The following NFILZ variants were observed in gnomAD, a reference collection of about 807,000 sequenced individuals.
NFILZ encodes NFIL3 like protein.
At chr19:8,635,984 G>A (rs1555746057) in intron 3 of NFILZ, among the ~76,000 whole-genome samples, 2 of 151,910 alleles carry the variant, frequency 1.3e-5, no homozygotes, top group African/African-American at 2.4e-5. Flanking sequence ...TTACAGGTGC[G>A]CACCACCACA....
At chr19:8,652,999 C>CTTTCTTTCTTTCTTTCTTT (rs2042973424) in intron 3 of NFILZ, among the ~76,000 whole-genome samples, 1 of 45,096 alleles carries the variant, frequency 2.2e-5, no homozygotes, top group Non-Finnish European at 4.2e-5. Flanking sequence ...TTCCTTCCTT[C>CTTTCTTTCTTTCTTTCTTT]CTTCCTTCCT....
chr19:8,634,597 C>T (rs1456996964), intron 2 of NFILZ, among the ~76,000 whole-genome samples: 2 of 152,026 alleles, frequency 1.3e-5, no homozygotes, highest in Admixed American at 1.3e-4. Flanking sequence ...ATTTACTGGC[C>T]AGGTGTGGTG....
chr19:8,645,300 A>ATTTT (rs35280185), intron 3 of NFILZ, among the ~76,000 whole-genome samples: 141 of 118,070 alleles, frequency 1.2e-3, no homozygotes, highest in African/African-American at 4.2e-3. Context: ...CACCTGGGTG[A>ATTTT]TTTTTTTTTT....
At chr19:8,662,628 T>C (rs1555749251) in intron 3 of NFILZ, among the ~76,000 whole-genome samples, 1 of 151,364 alleles carries the variant, frequency 6.6e-6, no homozygotes, top group Non-Finnish European at 1.5e-5. Context: ...AGATGAAGTT[T>C]TCCTTTTCTT....
At chr19:8,658,541 G>C (rs1376008725) in intron 3 of NFILZ, among the ~76,000 whole-genome samples, 2 of 152,142 alleles carry the variant, frequency 1.3e-5, no homozygotes. Flanking sequence ...AGAGTGGGAG[G>C]CTGCCTGGGG....
intron 3 of NFILZ, among the ~76,000 whole-genome samples, chr19:8,646,920 C>T (rs2042941347): frequency 6.6e-6 from 1 of 152,168 alleles, no homozygotes; most frequent in African/African-American, 2.4e-5. Flanking sequence ...AACACAGGCC[C>T]TGAGGCAGCT....
At chr19:8,647,954 C>A (rs2918317) in intron 3 of NFILZ, among the ~76,000 whole-genome samples, 1 of 151,310 alleles carries the variant, frequency 6.6e-6, no homozygotes, top group African/African-American at 2.4e-5. Flanking sequence ...GGGTGGATCA[C>A]GAGATCAGGA....
In NFILZ at chr19:8,664,557, T is replaced by C. The variant is rs116373311; in HGVS notation, c.-163-9994T>C. Among the ~76,000 whole-genome samples, 1,283 of 152,108 alleles carry C rather than the reference T, an allele frequency of 8.4e-3. 18 individuals carry two copies. The highest frequency in any genetic ancestry group is 0.029 in the African/African-American group (1,194 of 41,484). ...TGAAGACTGAGTTCCCACAGAAGCG[T>C]CTCGGTTTTAGAGATCGGTTTCGCT... is the stretch of plus-strand genomic sequence containing the variant. On this transcript the variant is annotated intron_variant, in intron 3 of 5. Transcript: ENST00000691075.
intron 2 of NFILZ, among the ~76,000 whole-genome samples, chr19:8,632,860 T>C (rs557442492): frequency 6.6e-6 from 1 of 151,804 alleles, no homozygotes; most frequent in South Asian, 2.1e-4. Flanking sequence ...GTAGCTGGGA[T>C]TACAGGCACA....
At chr19:8,652,926 C>CTCTT (rs143544802) in intron 3 of NFILZ, among the ~76,000 whole-genome samples, 3 of 122,944 alleles carry the variant, frequency 2.4e-5, no homozygotes, top group Admixed American at 9.0e-5. Flanking sequence ...TCTCTCTTCT[C>CTCTT]TCTCTCTTTC....
At position 8,661,161 on chromosome 19, in the gene NFILZ, C is replaced by G. The variant is rs1202595599; in HGVS notation, c.-163-13390C>G. The stretch of plus-strand genomic sequence containing the variant: ...TTCCTTTTTCCCTTCCCTTTTCTCT[C>G]TCTCTCTCTTTTTTTCTTTCCTCCT... On this transcript the variant is annotated intron_variant, in intron 3 of 5. Transcript: ENST00000691075. 2.1e-5 allele frequency among the ~76,000 whole-genome samples: 3 copies of G among 143,614 alleles called. No homozygotes were observed. In the Admixed American group the frequency reaches 2.2e-4, roughly 10 times the overall value. The allele number at this position is 143,614 out of a possible 152,430, so 94.2% of individuals were successfully genotyped here. A position where few individuals can be genotyped will look rare whatever the true frequency, so the allele number is the denominator to read the frequency against.
At chr19:8,658,219 G>C (rs1401984419) in intron 3 of NFILZ, among the ~76,000 whole-genome samples, 3 of 152,250 alleles carry the variant, frequency 2.0e-5, no homozygotes, top group African/African-American at 7.2e-5. Context: ...CACCACTTCC[G>C]AGCCGGGAGC....
Position 8,635,412 on chromosome 19 carries a change from C to T in NFILZ, c.-260-238C>T, listed in dbSNP as rs560293468. The stretch of plus-strand genomic sequence containing the variant: ...GCCCCTCTGGAGTCAATTTCTCTCC[C>T]TCAGTCCCAGCCCCTGGCCCCTGCT... On this transcript the variant is annotated intron_variant, in intron 2 of 5. Coordinates refer to ENST00000691075, the MANE Select transcript of NFILZ (RefSeq NM_001378600.1). Among the ~76,000 whole-genome samples the T allele has an allele frequency of 4.6e-5, 7 of 152,050 alleles. No homozygotes were observed. The East Asian group carries it at 1.4e-3, about 29-fold the overall frequency.
intron 3 of NFILZ, among the ~76,000 whole-genome samples, chr19:8,669,118 A>T (rs1438310557): frequency 6.6e-6 from 1 of 151,800 alleles, no homozygotes; most frequent in Non-Finnish European, 1.5e-5. Context: ...TAATTTTTGT[A>T]TTTTTTAGTA....
intron 3 of NFILZ, among the ~76,000 whole-genome samples, chr19:8,673,479 A>C (rs1368583547): frequency 6.6e-6 from 1 of 152,180 alleles, no homozygotes; most frequent in Non-Finnish European, 1.5e-5. Context: ...TGATGTGGGC[A>C]GGTGTGGAGC....
chr19:8,637,214 C>T (rs976255319), intron 3 of NFILZ, among the ~76,000 whole-genome samples: 4 of 151,960 alleles, frequency 2.6e-5, no homozygotes, highest in South Asian at 2.1e-4. Flanking sequence ...GGTGTGATGA[C>T]GCACACATAT....
At chr19:8,657,481 C>T (rs1253587273) in intron 3 of NFILZ, among the ~76,000 whole-genome samples, 4 of 151,942 alleles carry the variant, frequency 2.6e-5, no homozygotes, top group Non-Finnish European at 4.4e-5. Context: ...TTGATGGTTG[C>T]GGGGACGTGA....
chr19:8,667,934 A>AT (rs1297335952), intron 3 of NFILZ, among the ~76,000 whole-genome samples: 16 of 151,992 alleles, frequency 1.1e-4, no homozygotes, highest in Admixed American at 5.3e-4. Flanking sequence ...CTATATATGT[A>AT]TTTTTTATTT....
Position 8,678,617 on chromosome 19 carries a change from A to G in NFILZ, c.*982A>G, listed in dbSNP as rs533954684. On this transcript the variant is annotated 3_prime_UTR_variant, in exon 6 of 6. Coordinates refer to ENST00000691075, the MANE Select transcript of NFILZ (RefSeq NM_001378600.1). ...CTGTCTTCCTTCCTTGCATCCACTC[A>G]TCCTCATCCATTTACCCATCCATCC... Among the ~76,000 whole-genome samples the G allele has an allele frequency of 6.7e-6, 1 of 148,194 alleles. No homozygotes were observed. Among genetic ancestry groups the G allele is most frequent in the Non-Finnish European group, 1.5e-5 (1 of 66,990 alleles).
Sources: gnomAD v4.1 joint callset for allele counts (sites outside exome capture counted in the v4.1 genomes callset) on GRCh38, gnomAD v4.1.1 for gene constraint, MANE v1.5 for transcripts, NCBI Gene and HGNC (gene_info 2026-07-23, HGNC 2026-07-21) for gene names.